The following SELENOF variants were observed in gnomAD, a reference collection of about 807,000 sequenced individuals.
SELENOF encodes the protein selenoprotein F, also known as 15 kDa selenoprotein.
In SELENOF, 16 loss-of-function variants were observed where a neutral mutation model predicts 20.5. The ratio of observed to expected loss-of-function variants is 0.78; its 90% confidence interval spans 0.53 to 1.19. The LOEUF is 1.19. Ranked by LOEUF, SELENOF falls within the 50% of genes most tolerant of loss-of-function variation. SELENOF has a pLI of 0.00. For synonymous variants in SELENOF, 78 were observed against 74.5 expected (o/e 1.05, Z -0.24); for missense variants, 215 against 194.2 (o/e 1.11, Z -0.64).
intron 2 of SELENOF, among the ~76,000 whole-genome samples, chr1:86,884,604 CAAAT>C (rs945905958): frequency 5.3e-5 from 8 of 152,222 alleles, no homozygotes; most frequent in African/African-American, 1.9e-4. Flanking sequence ...AAAGAAATGA[CAAAT>C]AAAGTTAATT....
chr1:86,868,215 A>G (rs1002522336), intron 3 of SELENOF, 113 bp from the exon 4 acceptor site: 3 of 453,250 alleles, frequency 6.6e-6, no homozygotes, highest in Non-Finnish European at 1.2e-5. Flanking sequence ...TCCTATATGA[A>G]AAAACTAAGA....
At chr1:86,889,646 G>T (rs957305026) in intron 2 of SELENOF, among the ~76,000 whole-genome samples, 9 of 152,024 alleles carry the variant, frequency 5.9e-5, no homozygotes, top group Non-Finnish European at 5.9e-5. Context: ...CAGCTAAGGG[G>T]TATGCTTTAT....
intron 2 of SELENOF, among the ~76,000 whole-genome samples, chr1:86,902,279 A>G (rs1659722720): frequency 6.6e-6 from 1 of 152,216 alleles, no homozygotes; most frequent in Non-Finnish European, 1.5e-5. Context: ...AAAAACATGT[A>G]AGGCTTTGCA....
chr1:86,866,499 G>A (rs487431), intron 4 of SELENOF, among the ~76,000 whole-genome samples: 39,351 of 151,942 alleles, frequency 0.26, 6,277 homozygotes, highest in African/African-American at 0.45. Context: ...TTTAATGGGC[G>A]TAGAGTTTCA....
intron 2 of SELENOF, among the ~76,000 whole-genome samples, chr1:86,885,306 C>T (rs1379363031): frequency 1.3e-5 from 2 of 152,172 alleles, no homozygotes; most frequent in Admixed American, 6.5e-5. Context: ...AAAGGCCACA[C>T]TATTTTTGTA....
intron 1 of SELENOF, chr1:86,913,792 G>A (rs1660055517): frequency 3.7e-6 from 2 of 547,020 alleles, no homozygotes; most frequent in Non-Finnish European, 6.6e-6. Flanking sequence ...AGCCGTATAA[G>A]AGAAGCTACG....
At chr1:86,874,194 C>T (rs1032678102) in intron 3 of SELENOF, among the ~76,000 whole-genome samples, 10 of 151,778 alleles carry the variant, frequency 6.6e-5, no homozygotes, top group African/African-American at 1.5e-4. Flanking sequence ...TGGTCTCGAA[C>T]GCCTGACCTC....
At chr1:86,907,150 G>A (rs1041887578) in intron 1 of SELENOF, among the ~76,000 whole-genome samples, 1 of 152,042 alleles carries the variant, frequency 6.6e-6, no homozygotes, top group Non-Finnish European at 1.5e-5. Flanking sequence ...TTCTAAACAG[G>A]GAGTATTATC....
intron 3 of SELENOF, among the ~76,000 whole-genome samples, 162 bp from the exon 4 acceptor site, chr1:86,868,264 T>C (rs1658665649): frequency 6.6e-6 from 1 of 152,186 alleles, no homozygotes. Context: ...AGACATACCA[T>C]ATTCTCCAAT....
chr1:86,874,104 A>C (rs1425996508), intron 3 of SELENOF, among the ~76,000 whole-genome samples: 1 of 152,074 alleles, frequency 6.6e-6, no homozygotes, highest in East Asian at 1.9e-4. Flanking sequence ...CACACAATAA[A>C]AAAATCAAAT....
At chr1:86,887,409 T>TAA (rs1659249549) in intron 2 of SELENOF, among the ~76,000 whole-genome samples, 1 of 152,208 alleles carries the variant, frequency 6.6e-6, no homozygotes, top group Admixed American at 6.5e-5. Flanking sequence ...GTTATTCCTT[T>TAA]TTGTATCTTT....
chr1:86,871,079 C>A (rs1024764984), intron 3 of SELENOF, among the ~76,000 whole-genome samples: 5 of 152,122 alleles, frequency 3.3e-5, no homozygotes, highest in South Asian at 2.1e-4. Flanking sequence ...CTGTTAAATA[C>A]CTTGTAGCAG....
At chr1:86,898,580 CTTT>C (rs747362493) in intron 2 of SELENOF, among the ~76,000 whole-genome samples, 7 of 124,954 alleles carry the variant, frequency 5.6e-5, no homozygotes, top group African/African-American at 6.5e-5. Context: ...TTCTCTTCTT[CTTT>C]TTTTTTTTTT....
chr1:86,874,467 C>G (rs1658873788), intron 3 of SELENOF, among the ~76,000 whole-genome samples: 1 of 152,062 alleles, frequency 6.6e-6, no homozygotes, highest in Non-Finnish European at 1.5e-5. Context: ...CATGCTGCCC[C>G]CTAGAAGAGC....
At chr1:86,880,454 C>T (rs1229556104) in intron 3 of SELENOF, among the ~76,000 whole-genome samples, 1 of 151,974 alleles carries the variant, frequency 6.6e-6, no homozygotes, top group East Asian at 1.9e-4. Flanking sequence ...CTCTAAATTT[C>T]ATATATTGTG....
chr1:86,872,879 A>G (rs1658814425), intron 3 of SELENOF, among the ~76,000 whole-genome samples: 1 of 151,964 alleles, frequency 6.6e-6, no homozygotes, highest in Non-Finnish European at 1.5e-5. Flanking sequence ...CGTCTCTACT[A>G]AAAATACAAA....
chr1:86,870,538 C>T (rs1658734726), intron 3 of SELENOF, among the ~76,000 whole-genome samples: 1 of 152,312 alleles, frequency 6.6e-6, no homozygotes, highest in African/African-American at 2.4e-5. Context: ...ACGAAACCTT[C>T]TGGTAAAAGG....
intron 1 of SELENOF, among the ~76,000 whole-genome samples, chr1:86,908,088 G>C (rs905150673): frequency 7.2e-5 from 11 of 152,060 alleles, no homozygotes; most frequent in African/African-American, 2.2e-4. Context: ...TTCTAGATGA[G>C]AGAGTTGGCA....
At chr1:86,911,963 G>T (rs1659995423) in intron 1 of SELENOF, among the ~76,000 whole-genome samples, 2 of 151,880 alleles carry the variant, frequency 1.3e-5, no homozygotes, top group South Asian at 4.2e-4. Flanking sequence ...CTAGAGACGG[G>T]GTTTCACCGT....
Sources: gnomAD v4.1 joint callset for allele counts (sites outside exome capture counted in the v4.1 genomes callset) on GRCh38, gnomAD v4.1.1 for gene constraint, MANE v1.5 for transcripts, NCBI Gene and HGNC (gene_info 2026-07-23, HGNC 2026-07-21) for gene names.